Variants in TXNRD3 observed in about 807,000 individuals in gnomAD.
TXNRD3 encodes the protein thioredoxin reductase 3.
Under a neutral mutation model 78.2 loss-of-function variants are expected in TXNRD3, and 68 were observed. The observed-to-expected ratio is 0.87, with a 90% CI of 0.72 to 1.06. The LOEUF (loss-of-function observed/expected upper bound fraction) is 1.06. TXNRD3 is among the 50% of genes least tolerant of loss of function. The pLI is 0.00. For missense variants in TXNRD3, 751 were observed against 809.5 expected, an observed-to-expected ratio of 0.93 and a Z score of 0.88; for synonymous variants, 296 against 300.1, an observed-to-expected ratio of 0.99 and a Z score of 0.14.
At chr3:126,638,569 A>G (rs1167886657) in intron 6 of TXNRD3, among the ~76,000 whole-genome samples, 2 of 152,098 alleles carry the variant, frequency 1.3e-5, no homozygotes, top group African/African-American at 2.4e-5. Context: ...CCCCGTCTCC[A>G]CTAAAAATAT....
At chr3:126,609,924 A>T (rs934735595) in intron 14 of TXNRD3, among the ~76,000 whole-genome samples, 2 of 152,180 alleles carry the variant, frequency 1.3e-5, no homozygotes, top group Admixed American at 1.3e-4. Context: ...AAGGCCGCCC[A>T]CAACTGCCAA....
chr3:126,616,492 G>A (rs1215013131), intron 12 of TXNRD3, among the ~76,000 whole-genome samples: 1 of 152,196 alleles, frequency 6.6e-6, no homozygotes, highest in African/African-American at 2.4e-5. Flanking sequence ...TAGAAGGAAA[G>A]AGAATTTTCC....
intron 1 of TXNRD3, among the ~76,000 whole-genome samples, chr3:126,652,825 T>A (rs1356369400): frequency 6.6e-6 from 1 of 152,180 alleles, no homozygotes; most frequent in Non-Finnish European, 1.5e-5. Flanking sequence ...AATAAGCAAA[T>A]ATAAATTATT....
At chr3:126,608,467 G>A (rs1303745711) in intron 15 of TXNRD3, 32 bp downstream of exon 15, 2 of 1,509,182 alleles carry the variant, frequency 1.3e-6, no homozygotes, top group East Asian at 2.5e-5. Context: ...TACATCAACT[G>A]AAGCCAATTT....
intron 5 of TXNRD3, among the ~76,000 whole-genome samples, 185 bp from the exon 6 acceptor site, chr3:126,642,336 G>T (rs1933113859): frequency 6.6e-6 from 1 of 152,170 alleles, no homozygotes; most frequent in Non-Finnish European, 1.5e-5. Flanking sequence ...GAGACCCAAA[G>T]ATGAGTAAAA....
intron 3 of TXNRD3, among the ~76,000 whole-genome samples, chr3:126,644,638 G>A (rs906183239): frequency 6.6e-6 from 1 of 152,184 alleles, no homozygotes; most frequent in Admixed American, 6.5e-5. Flanking sequence ...TGACAGCTAG[G>A]AATGTGTCAA....
chr3:126,630,642 A>C, intron 9 of TXNRD3, 70 bp downstream of exon 9: 1 of 1,398,686 alleles, frequency 7.1e-7, no homozygotes, highest in Non-Finnish European at 9.7e-7. Context: ...AATTTATGTA[A>C]TGAAATGAAG....
rs1325749250 is a variant in TXNRD3 at position 126,644,305 on chromosome 3, A to G, written c.511T>C (p.Cys171Arg). 6.5e-6 allele frequency: 10 copies of G among 1,536,256 alleles called. No homozygotes were observed. In the Admixed American group the frequency reaches 7.9e-5, roughly 12 times the overall value. The stretch of plus-strand genomic sequence containing the variant: ...CATTTCTATATTCATACCTTCGCAC[A>G]TGAAAGGCCTCCAGAACCACCACCG... Residue 171 changes from cysteine to arginine, a missense_variant, in exon 4 of 16, where the codon TGT (cysteine) becomes CGT (arginine). Physicochemically the swap from Cys to Arg is radical, Grantham distance 180. Transcript: ENST00000524230.
intron 12 of TXNRD3, among the ~76,000 whole-genome samples, chr3:126,619,388 T>C (rs1938390729): frequency 6.6e-6 from 1 of 152,134 alleles, no homozygotes; most frequent in Non-Finnish European, 1.5e-5. Context: ...TAAAGAAGAA[T>C]AAAATCTGAT....
chr3:126,647,953 A>T (rs1933280131), intron 1 of TXNRD3, among the ~76,000 whole-genome samples: 1 of 152,188 alleles, frequency 6.6e-6, no homozygotes, highest in Non-Finnish European at 1.5e-5. Context: ...ACATGATCTC[A>T]TGCGTAGAAA....
intron 11 of TXNRD3, 22 bp downstream of exon 11, chr3:126,622,442 G>A (rs1358673689): frequency 6.0e-6 from 9 of 1,507,142 alleles, no homozygotes; most frequent in Non-Finnish European, 7.1e-6. Flanking sequence ...CAGCAACAGT[G>A]CAGTGATCCC....
At chr3:126,638,266 T>C (rs1376869201) in intron 6 of TXNRD3, among the ~76,000 whole-genome samples, 1 of 152,124 alleles carries the variant, frequency 6.6e-6, no homozygotes, top group Admixed American at 6.5e-5. Context: ...TTTATCAATA[T>C]CAAGAATGCA....
At chr3:126,626,176 A>G (rs1002105902) in intron 10 of TXNRD3, 12 of 152,244 alleles carry the variant, frequency 7.9e-5, no homozygotes, top group African/African-American at 2.9e-4. Flanking sequence ...GGACTTAAAC[A>G]TAAAAGCTAA....
intron 14 of TXNRD3, chr3:126,609,179 A>G (rs1221603392): frequency 4.5e-6 from 2 of 445,002 alleles, no homozygotes; most frequent in African/African-American, 2.0e-5. Context: ...TTTCCACGGT[A>G]ACGGTGCATT....
chr3:126,618,839 C>T (rs1938376323), intron 12 of TXNRD3, among the ~76,000 whole-genome samples: 1 of 93,404 alleles, frequency 1.1e-5, no homozygotes, highest in East Asian at 3.0e-4. Flanking sequence ...TATCCCTACA[C>T]AAGGAACTCA....
chr3:126,649,053 G>A (rs1384819236), intron 1 of TXNRD3, among the ~76,000 whole-genome samples: 1 of 152,176 alleles, frequency 6.6e-6, no homozygotes, highest in Non-Finnish European at 1.5e-5. Context: ...GAGTAGAGAG[G>A]TGACCCAAGG....
intron 6 of TXNRD3, among the ~76,000 whole-genome samples, chr3:126,638,089 G>A (rs890998257): frequency 4.6e-5 from 7 of 151,574 alleles, no homozygotes; most frequent in African/African-American, 7.3e-5. Flanking sequence ...GACTACAGGC[G>A]CATGCCACCA....
chr3:126,627,743 G>A (rs1190110593), intron 10 of TXNRD3, among the ~76,000 whole-genome samples: 1 of 152,082 alleles, frequency 6.6e-6, no homozygotes, highest in Non-Finnish European at 1.5e-5. Context: ...TATCTCCATA[G>A]AAAATTATAG....
At chr3:126,626,420 A>C (rs1391971065) in intron 10 of TXNRD3, among the ~76,000 whole-genome samples, 4 of 152,252 alleles carry the variant, frequency 2.6e-5, no homozygotes, top group African/African-American at 9.6e-5. Context: ...GAATATGCCC[A>C]AGATATATAG....
Sources: gnomAD v4.1 joint callset for allele counts (sites outside exome capture counted in the v4.1 genomes callset) on GRCh38, gnomAD v4.1.1 for gene constraint, MANE v1.5 for transcripts, NCBI Gene and HGNC (gene_info 2026-07-23, HGNC 2026-07-21) for gene names.